COL27A1: variants seen among roughly 807,000 people sequenced by gnomAD.
The protein encoded by COL27A1 is collagen alpha-1(XXVII) chain.
A neutral mutation model predicts 251.3 loss-of-function variants in COL27A1; 106 were observed. The ratio of observed to expected loss-of-function variants is 0.42; its 90% CI spans 0.36 to 0.50. The LOEUF (loss-of-function observed/expected upper bound fraction) is 0.50, where lower values mean the gene tolerates loss of function less well. Ranked by LOEUF, COL27A1 falls within the 20% of genes least tolerant of loss-of-function variation. The pLI is 0.00. For synonymous variants in COL27A1, 1,000 were observed against 986.3 expected, an observed-to-expected ratio of 1.01 and a Z score of -0.26; for missense variants, 2,325 against 2,522.8, an observed-to-expected ratio of 0.92 and a Z score of 1.68.
intron 56 of COL27A1, among the ~76,000 whole-genome samples, chr9:114,302,713 G>T (rs367892831): frequency 2.7e-5 from 3 of 112,742 alleles, no homozygotes; most frequent in Non-Finnish European, 3.7e-5. Flanking sequence ...GTCTCAAAAA[G>T]AAACAAAAAA....
intron 14 of COL27A1, among the ~76,000 whole-genome samples, chr9:114,222,549 G>A (rs1831194167): frequency 6.6e-6 from 1 of 152,190 alleles, no homozygotes; most frequent in African/African-American, 2.4e-5. Flanking sequence ...AGTTAAATGA[G>A]ATGAGCACTT....
At chr9:114,184,994 G>A (rs933426023) in intron 5 of COL27A1, among the ~76,000 whole-genome samples, 6 of 152,168 alleles carry the variant, frequency 3.9e-5, no homozygotes, top group Admixed American at 3.9e-4. Flanking sequence ...CCCTGCTCCT[G>A]TGGTAGCAGA....
chr9:114,266,812 G>A (rs145386092), intron 33 of COL27A1, among the ~76,000 whole-genome samples, 194 bp downstream of exon 33: 1 of 152,294 alleles, frequency 6.6e-6, no homozygotes, highest in East Asian at 1.9e-4. Flanking sequence ...ATAGGTTGAG[G>A]AGCTGGCTCC....
chr9:114,279,660 G>A (rs1260813548), intron 37 of COL27A1, among the ~76,000 whole-genome samples: 2 of 151,786 alleles, frequency 1.3e-5, no homozygotes, highest in Non-Finnish European at 2.9e-5. Flanking sequence ...GCAACATAGT[G>A]AGAACTTGTT....
intron 1 of COL27A1, among the ~76,000 whole-genome samples, chr9:114,159,403 C>G (rs1030540177): frequency 1.3e-5 from 2 of 151,944 alleles, no homozygotes; most frequent in Admixed American, 6.5e-5. Context: ...GGGAAACTTC[C>G]TAGGAAGTTT....
chr9:114,257,043 C>G (rs573623702), intron 27 of COL27A1, among the ~76,000 whole-genome samples: 1 of 152,336 alleles, frequency 6.6e-6, no homozygotes, highest in Non-Finnish European at 1.5e-5. Context: ...AAGGGTCAGC[C>G]TGGGACCCAG....
At chr9:114,221,922 G>T (rs954608773) in intron 13 of COL27A1, among the ~76,000 whole-genome samples, 3 of 152,244 alleles carry the variant, frequency 2.0e-5, no homozygotes, top group African/African-American at 7.2e-5. Flanking sequence ...CAAGCACCAT[G>T]CACGTCTGTA....
chr9:114,222,234 C>T lies in COL27A1; in HGVS notation c.2433C>T (p.Gly811=), dbSNP rs2135392537. ...PGLDGNPGEL[G]LPGPPGVPGL... is the part of the protein sequence containing the mutation. ...CTCTCTATCTGCAGGGAGAACTGGG[C>T]CTGCCAGGCCCCCCTGGAGTCCCCG... Residue 811 remains glycine (G), a synonymous_variant, in exon 14 of 61, where the codon GGC becomes GGT. Transcript: ENST00000356083. 1 of 1,613,768 alleles carries T rather than the reference C, an allele frequency of 6.2e-7. No homozygotes were observed. Among genetic ancestry groups the T allele is most frequent in the Middle Eastern group, 1.7e-4 (1 of 6,054 alleles).
intron 24 of COL27A1, among the ~76,000 whole-genome samples, chr9:114,247,773 G>A (rs1833246030): frequency 6.6e-6 from 1 of 152,232 alleles, no homozygotes; most frequent in African/African-American, 2.4e-5. Context: ...CACAGTGAAA[G>A]GGGAGGCATT....
chr9:114,282,134 G>A, intron 37 of COL27A1, 143 bp from the exon 38 acceptor site: 2 of 689,106 alleles, frequency 2.9e-6, no homozygotes, highest in East Asian at 2.6e-5. Context: ...TCAGGCTCAA[G>A]GTCATGTGGG....
At chr9:114,257,872 G>A (rs1834039106) in intron 27 of COL27A1, among the ~76,000 whole-genome samples, 2 of 152,182 alleles carry the variant, frequency 1.3e-5, no homozygotes, top group Non-Finnish European at 2.9e-5. Flanking sequence ...GAGAAAAAGG[G>A]AGATGAGGAT....
In COL27A1 at chr9:114,283,728, G is replaced by C; in HGVS notation, c.3899G>C (p.Gly1300Ala). The C allele has an allele frequency of 6.2e-7, 1 of 1,614,118 alleles. No homozygotes were observed. Among genetic ancestry groups the C allele is most frequent in the South Asian group, 1.1e-5 (1 of 91,080 alleles). ...TTGTAGGGTGCTCCGGGACGCATGG[G>C]GGCCCAAGGAGAACCGGGACTGGCT... ...LGPTGAPGRM[G>A]AQGEPGLAGY... Residue 1300 changes from glycine (G) to alanine (A), a missense_variant, in exon 40 of 61, where the codon GGG becomes GCG. By Grantham distance (60) the Gly-to-Ala change is moderately conservative. This residue lies in a region of COL27A1 where 662 missense variants were observed against 795.3 expected (regional missense o/e 0.83). Coordinates refer to ENST00000356083, the MANE Select transcript of COL27A1 (RefSeq NM_032888.4).
intron 50 of COL27A1, 119 bp downstream of exon 50, chr9:114,300,242 A>T (rs940059999): frequency 8.6e-6 from 9 of 1,049,730 alleles, no homozygotes; most frequent in Non-Finnish European, 1.1e-5. Flanking sequence ...AAACAGCCAG[A>T]ATCAGGCATG....
intron 23 of COL27A1, 51 bp from the exon 24 acceptor site, chr9:114,245,815 C>G: frequency 6.3e-7 from 1 of 1,578,312 alleles, no homozygotes; most frequent in Non-Finnish European, 8.7e-7. Flanking sequence ...CCCAGGAGGT[C>G]TAGACTTTCA....
intron 2 of COL27A1, among the ~76,000 whole-genome samples, chr9:114,165,678 A>G (rs1564413610): frequency 6.7e-6 from 1 of 149,858 alleles, no homozygotes; most frequent in Non-Finnish European, 1.5e-5. Context: ...CCATCCATCC[A>G]TCCATCTACC....
At chr9:114,248,500 C>T (rs954717573) in intron 24 of COL27A1, among the ~76,000 whole-genome samples, 7 of 152,218 alleles carry the variant, frequency 4.6e-5, no homozygotes, top group African/African-American at 7.2e-5. Context: ...GTGCGGTGCC[C>T]GCTGTGGGTA....
chr9:114,208,640 A>G (rs1434634332), intron 10 of COL27A1, among the ~76,000 whole-genome samples: 1 of 152,166 alleles, frequency 6.6e-6, no homozygotes, highest in Non-Finnish European at 1.5e-5. Context: ...AGATAGTGGT[A>G]GAAGCCCCGG....
In COL27A1 at chr9:114,302,731, A is replaced by AC. The variant is rs1224345727; in HGVS notation, c.4872+623_4872+624insC. Among the ~76,000 whole-genome samples the AC allele has an allele frequency of 4.6e-5, 7 of 150,930 alleles. No homozygotes were observed. The East Asian group carries it at 1.2e-3, about 25-fold the overall frequency. On this transcript the variant is annotated intron_variant, in intron 56 of 60. Coordinates refer to ENST00000356083, the MANE Select transcript of COL27A1 (RefSeq NM_032888.4). Reference sequence around the variant, plus strand: ...TCAAAAAGAAACAAAAAAAACAAAAAAAAAAAAAAACAAAGAGAGTCGGGC... The same window carrying AC: ...TCAAAAAGAAACAAAAAAAACAAAAACAAAAAAAAAACAAAGAGAGTCGGGC...
intron 4 of COL27A1, among the ~76,000 whole-genome samples, chr9:114,181,702 T>C (rs1199564673): frequency 2.0e-5 from 3 of 152,202 alleles, no homozygotes; most frequent in Non-Finnish European, 4.4e-5. Flanking sequence ...CCAGGGCCCT[T>C]GCTGGAGAAA....
Sources: gnomAD v4.1 joint callset for allele counts (sites outside exome capture counted in the v4.1 genomes callset) on GRCh38, gnomAD v4.1.1 for gene constraint, gnomAD v4.1.1 regional missense constraint, MANE v1.5 for transcripts, NCBI Gene and HGNC (gene_info 2026-07-23, HGNC 2026-07-21) for gene names.